Variants in IGSF21 observed in about 807,000 individuals in gnomAD.
The protein encoded by IGSF21 is immunoglobin superfamily member 21.
Under a neutral mutation model 46.8 loss-of-function variants are expected in IGSF21, and 28 were observed. That is an observed-to-expected ratio of 0.60 (90% confidence interval 0.44 to 0.82). The LOEUF (loss-of-function observed/expected upper bound fraction) is 0.82. Among genes scored for constraint, IGSF21 ranks in the 40% least tolerant of loss-of-function variants. The pLI, the probability that IGSF21 is intolerant of heterozygous loss-of-function variation, is 0.00. For synonymous variants in IGSF21, 284 were observed against 273.6 expected (o/e 1.04, Z -0.38); for missense variants, 624 against 665.5 (o/e 0.94, Z 0.69).
At chr1:18,278,948 C>G in intron 2 of IGSF21, 1 of 470,464 alleles carries the variant, frequency 2.1e-6, no homozygotes, top group Non-Finnish European at 4.4e-6. Context: ...GGGAAATGTT[C>G]GTAATCAAAT....
intron 4 of IGSF21, among the ~76,000 whole-genome samples, chr1:18,355,399 G>A (rs763851836): frequency 2.1e-4 from 32 of 152,124 alleles, no homozygotes; most frequent in African/African-American, 3.6e-4. Context: ...TCATAAAACC[G>A]ATCATCCAAC....
rs1418910879 is a variant in IGSF21 at position 18,362,174 on chromosome 1, C to A, written c.484C>A (p.Gln162Lys). 1 of 1,613,424 alleles carries A rather than the reference C, an allele frequency of 6.2e-7. No homozygotes were observed. Among genetic ancestry groups the A allele is most frequent in the Non-Finnish European group, 8.5e-7 (1 of 1,179,804 alleles). The change falls in exon 5 of 10, where the codon CAA (glutamine) becomes AAA (lysine). Residue 162 changes from glutamine to lysine, a missense_variant. Coordinates refer to ENST00000251296, the MANE Select transcript of IGSF21 (RefSeq NM_032880.5). ...CACACCAGCCCCCTTCAGCCGCTAC[C>A]AAGCCCAGAACTTCACGCTGGTCTG... is the stretch of plus-strand genomic sequence containing the variant. ...ADTPAPFSRY[Q>K]AQNFTLVCIV...
At chr1:18,140,608 G>A (rs544985888) in intron 1 of IGSF21, among the ~76,000 whole-genome samples, 17 of 152,266 alleles carry the variant, frequency 1.1e-4, no homozygotes, top group South Asian at 6.2e-4. Flanking sequence ...TCACAGTCGC[G>A]TGTCTGCTCC....
rs576835092 is a variant in IGSF21 at position 18,252,550 on chromosome 1, A to G, written c.183+24540A>G. Among the ~76,000 whole-genome samples, 401 of 152,318 alleles carry G rather than the reference A, an allele frequency of 2.6e-3. 3 individuals carry two copies. Among genetic ancestry groups the G allele is most frequent in the Admixed American group, 5.9e-3 (91 of 15,296 alleles). ...AGGGCCCAGGTCTATGTGCCTGTCT[A>G]TGAAGTCAAGTGATTTCCGGATTTC... On this transcript the variant is annotated intron_variant, in intron 2 of 9. Transcript: ENST00000251296.
chr1:18,231,007 T>C (rs2084620371), intron 2 of IGSF21, among the ~76,000 whole-genome samples: 1 of 152,058 alleles, frequency 6.6e-6, no homozygotes, highest in Non-Finnish European at 1.5e-5. Context: ...CCCAGCTTCC[T>C]TTCTCCATCC....
chr1:18,350,105 G>T (rs2085936320), intron 4 of IGSF21, among the ~76,000 whole-genome samples: 1 of 152,144 alleles, frequency 6.6e-6, no homozygotes, highest in Non-Finnish European at 1.5e-5. Flanking sequence ...CGCTCCTCCA[G>T]GCTGTCATGG....
intron 1 of IGSF21, among the ~76,000 whole-genome samples, chr1:18,156,410 CAG>C (rs2124438708): frequency 6.6e-6 from 1 of 152,340 alleles, no homozygotes; most frequent in Admixed American, 6.5e-5. Context: ...TGGAGAAAAT[CAG>C]AGAGGCTTAA....
At chr1:18,323,206 G>A (rs895606977) in intron 3 of IGSF21, among the ~76,000 whole-genome samples, 2 of 152,182 alleles carry the variant, frequency 1.3e-5, no homozygotes, top group Non-Finnish European at 2.9e-5. Context: ...TTGCCCACTG[G>A]TAAATCATGA....
intron 2 of IGSF21, among the ~76,000 whole-genome samples, chr1:18,275,026 A>T (rs966826059): frequency 7.0e-6 from 1 of 141,862 alleles, no homozygotes; most frequent in African/African-American, 2.8e-5. Flanking sequence ...GACTCTGAAA[A>T]AACAAAAACA....
chr1:18,315,196 C>T (rs2085528431), intron 3 of IGSF21, among the ~76,000 whole-genome samples: 1 of 152,094 alleles, frequency 6.6e-6, no homozygotes, highest in African/African-American at 2.4e-5. Context: ...CTCATTTGGC[C>T]GCATGCAGAT....
chr1:18,313,274 G>C (rs11260979), intron 3 of IGSF21, among the ~76,000 whole-genome samples: 133,736 of 152,208 alleles, frequency 0.88, 58,817 homozygotes, highest in East Asian at 0.99. Context: ...CAGGGAACCA[G>C]TCATGGAACT....
chr1:18,290,796 C>A lies in IGSF21; in HGVS notation c.184-1070C>A, dbSNP rs1197893744. Among the ~76,000 whole-genome samples, 1 of 152,156 alleles carries A rather than the reference C, an allele frequency of 6.6e-6. No homozygotes were observed. The highest frequency in any genetic ancestry group is 1.5e-5 in the Non-Finnish European group (1 of 68,030). On this transcript the variant is annotated intron_variant, in intron 2 of 9. Coordinates refer to ENST00000251296, the MANE Select transcript of IGSF21 (RefSeq NM_032880.5). This position sits in a 1 kb window ranked among gnomAD's most constrained non-coding sequence, Gnocchi z 4.2. ...GCTGCTTTCAGCATCCCCCCTACCC[C>A]AGCCCCTTGGAGTCACCCGTCCCTA...
intron 5 of IGSF21, among the ~76,000 whole-genome samples, chr1:18,363,380 G>GA: frequency 6.6e-6 from 1 of 152,234 alleles, no homozygotes; most frequent in East Asian, 1.9e-4. Context: ...CCTGCCTTGC[G>GA]ACCTGGGGCA....
chr1:18,348,453 A>G (rs553660995), intron 4 of IGSF21, among the ~76,000 whole-genome samples: 1 of 152,300 alleles, frequency 6.6e-6, no homozygotes, highest in Admixed American at 6.5e-5. Flanking sequence ...TTAAACCTTG[A>G]CAAGTGTGAG....
At chr1:18,264,020 C>G (rs931294503) in intron 2 of IGSF21, among the ~76,000 whole-genome samples, 5 of 152,188 alleles carry the variant, frequency 3.3e-5, no homozygotes, top group Admixed American at 6.5e-5. Flanking sequence ...TAATAACCAG[C>G]CTGGAGACTG....
At chr1:18,356,264 G>A (rs905603838) in intron 4 of IGSF21, among the ~76,000 whole-genome samples, 2 of 152,218 alleles carry the variant, frequency 1.3e-5, no homozygotes, top group Non-Finnish European at 2.9e-5. Context: ...TGTGATGAGT[G>A]TGTTTACTCA....
intron 4 of IGSF21, among the ~76,000 whole-genome samples, chr1:18,343,612 A>C (rs1443014487): frequency 6.6e-6 from 1 of 152,176 alleles, no homozygotes; most frequent in Admixed American, 6.5e-5. Flanking sequence ...TTTCAAGTTT[A>C]TTTTTATATA....
At chr1:18,282,608 C>T (rs556903327) in intron 2 of IGSF21, among the ~76,000 whole-genome samples, 104 of 150,520 alleles carry the variant, frequency 6.9e-4, no homozygotes, top group African/African-American at 2.4e-3. Context: ...TACAACCTTA[C>T]ATTTGCCAAA....
At chr1:18,222,897 G>T (rs1557594605) in intron 1 of IGSF21, among the ~76,000 whole-genome samples, 4 of 152,176 alleles carry the variant, frequency 2.6e-5, no homozygotes, top group African/African-American at 7.2e-5. Flanking sequence ...TCCTGTGTGT[G>T]TCTGTGTCTC....
Sources: gnomAD v4.1 joint callset for allele counts (sites outside exome capture counted in the v4.1 genomes callset) on GRCh38, gnomAD v4.1.1 for gene constraint, Gnocchi (gnomAD v3.1) non-coding constraint, MANE v1.5 for transcripts, NCBI Gene and HGNC (gene_info 2026-07-23, HGNC 2026-07-21) for gene names.